Variants in BMX observed in about 807,000 individuals in gnomAD.
BMX encodes cytoplasmic tyrosine-protein kinase BMX.
BMX carries 31 observed loss-of-function variants against 59.2 expected under a neutral mutation model. That is an observed-to-expected ratio of 0.52 (90% CI 0.39 to 0.71). The LOEUF (loss-of-function observed/expected upper bound fraction) is 0.71, where lower values mean the gene tolerates loss of function less well. Ranked by LOEUF, BMX falls within the 30% of genes least tolerant of loss-of-function variation. BMX has a pLI of 0.00. For missense variants in BMX, 474 were observed against 491.7 expected (o/e 0.96, Z 0.34); for synonymous variants, 185 against 181.0 (o/e 1.02, Z -0.18).
At chrX:15,536,452 A>C (rs1159241906) in intron 13 of BMX, 25 bp downstream of exon 13, 6 of 1,131,026 alleles carry the variant, frequency 5.3e-6, no homozygotes, top group Non-Finnish European at 7.2e-6. Context: ...TTGGGTTCTT[A>C]AACTCCATTT....
In BMX at chrX:15,522,377, A is replaced by G. The variant is rs781573176; in HGVS notation, c.542A>G (p.Lys181Arg). The G allele has an allele frequency of 7.4e-6, 9 of 1,210,222 alleles. No individual in the cohort carries two copies. The highest frequency in any genetic ancestry group is 2.2e-5 in the Admixed American group (1 of 45,742). The change falls in exon 7 of 19, where the codon AAA becomes AGA. Residue 181 changes from lysine (K) to arginine (R), a missense_variant. Coordinates refer to ENST00000348343, the MANE Select transcript of BMX (RefSeq NM_203281.3). ...ATACCTCGGGCAGTTCCTGTTCTCAAAATGGATGCACCATCTTCAAGTACC... is the reference window on the plus strand; with the variant it reads ...ATACCTCGGGCAGTTCCTGTTCTCAGAATGGATGCACCATCTTCAAGTACC... ...LKIPRAVPVL[K>R]MDAPSSSTTL...
intron 7 of BMX, 23 bp downstream of exon 7, chrX:15,522,610 G>A (rs1188930653): frequency 8.3e-7 from 1 of 1,208,693 alleles, no homozygotes; most frequent in South Asian, 1.8e-5. Context: ...TTTCAGACGG[G>A]CTGCCCAGCA....
At chrX:15,553,192 A>G (rs1163055921) in intron 18 of BMX, among the ~76,000 whole-genome samples, 1 of 112,145 alleles carries the variant, frequency 8.9e-6, no homozygotes, top group Non-Finnish European at 1.9e-5. Flanking sequence ...CCTTTGCCTC[A>G]ATGTTAGCTA....
rs1215070031 is a variant in BMX at position 15,527,283 on chromosome X, T to TACACAC, written c.884+1202_884+1207dup. Among the ~76,000 whole-genome samples the TACACAC allele has an allele frequency of 1.6e-3, 105 of 65,852 alleles. 1 individual carries two copies. The highest frequency in any genetic ancestry group is 5.6e-3 in the African/African-American group (84 of 14,933). The allele number at this position is 65,852 out of a possible 115,157, so 57.2% of individuals were successfully genotyped here. On this transcript the variant is annotated intron_variant, in intron 9 of 18. Transcript: ENST00000348343. ...ATATATATATATATATATATATATA[T>TACACAC]ACACACACACACACACACATATATA...
chrX:15,550,801 G>T (rs1264235382), intron 18 of BMX, among the ~76,000 whole-genome samples: 1 of 110,543 alleles, frequency 9.0e-6, no homozygotes, highest in Admixed American at 9.7e-5. Flanking sequence ...GGCAAAAAAC[G>T]TGATTACTTT....
rs200226983 is a variant in BMX, at chrX:15,517,929, A to T, written c.446A>T (p.Tyr149Phe). ...GATATTACTTTGTTTTAATGTTCAG[A>T]TGCTAATCTGCATACTGCAGTCAAT... ...AAPGCTLWEAYANLHTAVNEE... is the reference protein window; with the variant it reads ...AAPGCTLWEAFANLHTAVNEE... Residue 149 changes from tyrosine (Y) to phenylalanine (F), a missense_variant and splice_region_variant, in exon 6 of 19, where the codon TAT becomes TTT. Tyr to Phe is a conservative substitution (Grantham distance 22, BLOSUM62 3). Coordinates refer to ENST00000348343, the MANE Select transcript of BMX (RefSeq NM_203281.3). 2.5e-6 allele frequency: 3 copies of T among 1,203,156 alleles called. No homozygotes were observed. Among genetic ancestry groups the T allele is most frequent in the Non-Finnish European group, 3.4e-6 (3 of 889,337 alleles).
Position 15,535,212 on chromosome X carries a change from C to A in BMX, c.1147+873C>A, listed in dbSNP as rs146190603. ...GTCTTCTAAATTTTTGCCTAATCAACTGGTGGAAATACATCTAGAAATACC... is the reference window on the plus strand; with the variant it reads ...GTCTTCTAAATTTTTGCCTAATCAAATGGTGGAAATACATCTAGAAATACC... On this transcript the variant is annotated intron_variant, in intron 12 of 18. Coordinates refer to ENST00000348343, the MANE Select transcript of BMX (RefSeq NM_203281.3). 8.9e-3 allele frequency among the ~76,000 whole-genome samples: 999 copies of A among 112,408 alleles called. 11 individuals are homozygous for A. Among genetic ancestry groups the A allele is most frequent in the African/African-American group, 0.03 (946 of 31,026 alleles).
intron 12 of BMX, 111 bp downstream of exon 12, chrX:15,534,450 G>A (rs867572924): frequency 1.4e-6 from 1 of 705,701 alleles, no homozygotes; most frequent in Non-Finnish European, 1.9e-6. Context: ...ATGAAAGTAG[G>A]AAAAAATCCT....
At chrX:15,552,047 A>G (rs1412866679) in intron 18 of BMX, among the ~76,000 whole-genome samples, 1 of 112,311 alleles carries the variant, frequency 8.9e-6, no homozygotes, top group Non-Finnish European at 1.9e-5. Flanking sequence ...AGTGTACAAG[A>G]CACAGTGTCC....
Position 15,517,954 on chromosome X carries a change from T to C in BMX, c.471T>C (p.Asn157=), listed in dbSNP as rs757068234. ...ATGCTAATCTGCATACTGCAGTCAATGAAGAGAAACACAGAGTTCCCACCT... is the reference window on the plus strand; with the variant it reads ...ATGCTAATCTGCATACTGCAGTCAACGAAGAGAAACACAGAGTTCCCACCT... The part of the protein sequence containing the change: ...EAYANLHTAV[N]EEKHRVPTFP... Residue 157 remains asparagine (N), a synonymous_variant, in exon 6 of 19, where the codon AAT becomes AAC. Transcript: ENST00000348343. The C allele has an allele frequency of 1.7e-6, 2 of 1,207,867 alleles. No individual in the cohort carries two copies. The highest frequency in any genetic ancestry group is 5.9e-5 in the East Asian group (2 of 33,774).
At chrX:15,512,978 CA>C (rs1318779373) in intron 4 of BMX, among the ~76,000 whole-genome samples, 1 of 111,631 alleles carries the variant, frequency 9.0e-6, no homozygotes, top group African/African-American at 3.3e-5. Flanking sequence ...GAGAAAGAAG[CA>C]AAAACACATC....
At chrX:15,519,760 A>AG (rs749639631) in intron 6 of BMX, among the ~76,000 whole-genome samples, 2 of 111,856 alleles carry the variant, frequency 1.8e-5, no homozygotes, top group Non-Finnish European at 3.8e-5. Context: ...GCAGAAGGGA[A>AG]GGGGAGCTAG....
chrX:15,554,988 C>T (rs1033643395), intron 18 of BMX, among the ~76,000 whole-genome samples: 2 of 111,254 alleles, frequency 1.8e-5, no homozygotes, highest in Admixed American at 9.6e-5. Flanking sequence ...TGTTTGAATA[C>T]TAGGTAGGCT....
chrX:15,515,977 C>T lies in BMX; in HGVS notation c.326-135C>T, dbSNP rs878980752. Reference sequence around the variant, plus strand: ...GTTGAGTGAAAGACCTATATCCTTCCGGAACCATTTGCTCTTACCTTGGTT... The same window carrying T: ...GTTGAGTGAAAGACCTATATCCTTCTGGAACCATTTGCTCTTACCTTGGTT... On this transcript the variant is annotated intron_variant, in intron 4 of 18. Coordinates refer to ENST00000348343, the MANE Select transcript of BMX (RefSeq NM_203281.3). 3.9e-5 allele frequency: 33 copies of T among 853,040 alleles called. No homozygotes were observed. In the South Asian group the frequency reaches 5.7e-4, roughly 15 times the overall value. 70.3% of individuals were successfully genotyped at this position (853,040 alleles called of 1,213,427 possible).
rs1484305097 is a variant in BMX at position 15,525,972 on chromosome X, T to C, written c.831-70T>C. On this transcript the variant is annotated intron_variant, in intron 8 of 18. Coordinates refer to ENST00000348343, the MANE Select transcript of BMX (RefSeq NM_203281.3). ...ATAAAATCAGGGTGGGATTTGATAT[T>C]GCATGGCTACGCACTTGGATTATTT... 102 of 940,363 alleles carry C rather than the reference T, an allele frequency of 1.1e-4. No homozygotes were observed. In the East Asian group the frequency reaches 3.1e-3, roughly 29 times the overall value. The allele number at this position is 940,363 out of a possible 1,213,427, so 77.5% of individuals were successfully genotyped here. A position where few individuals can be genotyped will look rare whatever the true frequency, so the allele number is the denominator to read the frequency against.
intron 14 of BMX, among the ~76,000 whole-genome samples, chrX:15,538,716 C>G (rs1476914204): frequency 8.9e-6 from 1 of 111,939 alleles, no homozygotes; most frequent in Non-Finnish European, 1.9e-5. Context: ...GATACAAACC[C>G]AGGCAGACAT....
intron 1 of BMX, among the ~76,000 whole-genome samples, chrX:15,501,143 C>T (rs991430580): frequency 8.9e-5 from 10 of 111,978 alleles, no homozygotes; most frequent in Non-Finnish European, 1.3e-4. Flanking sequence ...ACGGCTGAAA[C>T]TGCTATAATT....
intron 2 of BMX, 101 bp from the exon 3 acceptor site, chrX:15,509,228 C>T: frequency 1.2e-5 from 1 of 86,704 alleles, no homozygotes; most frequent in Non-Finnish European, 2.3e-5. Context: ...TGCCCACCCC[C>T]CACCCCAATC....
intron 12 of BMX, among the ~76,000 whole-genome samples, chrX:15,536,052 T>C (rs1305613493): frequency 1.8e-5 from 2 of 112,188 alleles, no homozygotes; most frequent in Non-Finnish European, 3.8e-5. Context: ...AAGCATAAGA[T>C]TGTAAAGAGA....
Sources: allele counts gnomAD v4.1 joint callset (sites outside exome capture counted in the v4.1 genomes callset), GRCh38; gene constraint gnomAD v4.1.1; transcripts MANE v1.5; gene names NCBI Gene and HGNC (gene_info 2026-07-23, HGNC 2026-07-21).